CTNND2: variants seen among roughly 807,000 people sequenced by gnomAD.
The protein encoded by CTNND2 is catenin delta-2.
A neutral mutation model predicts 144.4 loss-of-function variants in CTNND2; 22 were observed. The observed-to-expected ratio is 0.15, with a 90% confidence interval of 0.11 to 0.22. CTNND2 has a LOEUF of 0.22. Among genes scored for constraint, CTNND2 ranks in the 10% least tolerant of loss-of-function variants. The pLI, the probability that CTNND2 is intolerant of heterozygous loss-of-function variation, is 1.00. For synonymous variants in CTNND2, 751 were observed against 695.6 expected, an observed-to-expected ratio of 1.08 and a Z score of -1.25; for missense variants, 1,353 against 1,618.8, an observed-to-expected ratio of 0.84 and a Z score of 2.82.
At chr5:11,360,240 CT>C (rs1756309778) in intron 8 of CTNND2, among the ~76,000 whole-genome samples, 1 of 152,102 alleles carries the variant, frequency 6.6e-6, no homozygotes, top group African/African-American at 2.4e-5. Flanking sequence ...TAGGTGGAGT[CT>C]AAGGGGAAAA....
Position 11,017,484 on chromosome 5 carries a change from T to C in CTNND2, c.3084+490A>G, listed in dbSNP as rs560297485. 2.0e-5 allele frequency among the ~76,000 whole-genome samples: 3 copies of C among 151,794 alleles called. No individual in the cohort carries two copies. The East Asian group carries it at 5.8e-4, about 29-fold the overall frequency. On this transcript the variant is annotated intron_variant, in intron 18 of 21. Transcript: ENST00000304623. The stretch of plus-strand genomic sequence containing the variant: ...CCAGACAGTTGAGTCTCCTATTCAG[T>C]GTTCCTAGTTTGCAGTGGTTCTTGA...
chr5:11,310,207 C>T (rs1011509673), intron 9 of CTNND2, among the ~76,000 whole-genome samples: 2 of 152,062 alleles, frequency 1.3e-5, no homozygotes, highest in Admixed American at 6.5e-5. Flanking sequence ...TAAATAAAAA[C>T]AGCCTCTCAC....
At chr5:10,978,355 TTTA>T (rs753493151) in intron 21 of CTNND2, among the ~76,000 whole-genome samples, 3 of 152,198 alleles carry the variant, frequency 2.0e-5, no homozygotes, top group Non-Finnish European at 4.4e-5. Context: ...ATGGTTGCAC[TTTA>T]TTGAGTCCCC....
intron 3 of CTNND2, among the ~76,000 whole-genome samples, chr5:11,417,407 G>A (rs1188000104): frequency 6.6e-6 from 1 of 152,002 alleles, no homozygotes; most frequent in Non-Finnish European, 1.5e-5. Flanking sequence ...ATATTTGCAA[G>A]GCATATAACT....
At chr5:11,365,945 G>A (rs1756942732) in intron 7 of CTNND2, among the ~76,000 whole-genome samples, 1 of 152,010 alleles carries the variant, frequency 6.6e-6, no homozygotes, top group Non-Finnish European at 1.5e-5. Context: ...CTGATTTTGG[G>A]AATGAGCCTT....
At chr5:11,576,402 A>C (rs1777973699) in intron 2 of CTNND2, among the ~76,000 whole-genome samples, 1 of 150,014 alleles carries the variant, frequency 6.7e-6, no homozygotes. Flanking sequence ...ATTAAGATTA[A>C]ATAATTATAT....
intron 9 of CTNND2, among the ~76,000 whole-genome samples, chr5:11,264,839 G>T (rs1320313340): frequency 6.6e-6 from 1 of 152,174 alleles, no homozygotes; most frequent in Non-Finnish European, 1.5e-5. Context: ...GCTGAAATGG[G>T]AGGATCACTT....
chr5:11,545,943 TTAAC>T (rs1424207920), intron 3 of CTNND2, among the ~76,000 whole-genome samples: 1 of 152,164 alleles, frequency 6.6e-6, no homozygotes, highest in Non-Finnish European at 1.5e-5. Context: ...ACCTATATCA[TTAAC>T]TATGATTTAT....
chr5:11,513,101 C>T (rs1218397869), intron 3 of CTNND2, among the ~76,000 whole-genome samples: 1 of 152,106 alleles, frequency 6.6e-6, no homozygotes, highest in Non-Finnish European at 1.5e-5. Flanking sequence ...CATCAGAGCC[C>T]CACTGCCAGG....
At chr5:11,018,121 T>C in intron 17 of CTNND2, 63 bp from the exon 18 acceptor site, 1 of 1,121,568 alleles carries the variant, frequency 8.9e-7, no homozygotes, top group Non-Finnish European at 1.4e-6. Flanking sequence ...ATTTCTGTAA[T>C]TCTTGTAGTA....
rs555733361 is a variant in CTNND2 at position 11,740,274 on chromosome 5, A to G, written c.38-8002T>C. On this transcript the variant is annotated intron_variant, in intron 1 of 21. Coordinates refer to ENST00000304623, the MANE Select transcript of CTNND2 (RefSeq NM_001332.4). The stretch of plus-strand genomic sequence containing the variant: ...AGAACAAAGCTGGAGGCATCACACT[A>G]CCTGACTTCAAACTATATTACAAGG... Among the ~76,000 whole-genome samples, 19 of 152,322 alleles carry G rather than the reference A, an allele frequency of 1.2e-4. 1 individual carries two copies. The South Asian group carries it at 3.9e-3, about 32-fold the overall frequency.
rs1054194070 is a variant in CTNND2 at position 10,981,655 on chromosome 5, C to T, written c.3417+118G>A. The T allele has an allele frequency of 4.3e-5, 40 of 927,920 alleles. 2 individuals carry two copies. In the Admixed American group the frequency reaches 5.3e-4, roughly 12 times the overall value. 57.5% of individuals were successfully genotyped at this position (927,920 alleles called of 1,614,324 possible). On this transcript the variant is annotated intron_variant, in intron 21 of 21. Transcript: ENST00000304623. ...GGCGTGAGGAGAGGGCCTCAGGGGA[C>T]GTTGCCTTCTTTTTCAGTTCTTTAT...
At chr5:11,150,924 C>T (rs758721591) in intron 12 of CTNND2, among the ~76,000 whole-genome samples, 7 of 152,024 alleles carry the variant, frequency 4.6e-5, no homozygotes, top group Admixed American at 2.0e-4. Context: ...CCGCGTCCAG[C>T]CTGAACTGCT....
chr5:11,385,989 G>A (rs1759049180), intron 6 of CTNND2: 1 of 152,156 alleles, frequency 6.6e-6, no homozygotes, highest in Non-Finnish European at 1.5e-5. Context: ...CTCCCTTTAA[G>A]AGCCCCCTGC....
intron 2 of CTNND2, among the ~76,000 whole-genome samples, chr5:11,716,545 T>A (rs1267016916): frequency 6.6e-6 from 1 of 152,220 alleles, no homozygotes; most frequent in Non-Finnish European, 1.5e-5. Flanking sequence ...ATATTAAATT[T>A]CATTTACTTA....
chr5:11,368,781 TG>T (rs1390047813), intron 7 of CTNND2, among the ~76,000 whole-genome samples: 1 of 152,202 alleles, frequency 6.6e-6, no homozygotes, highest in Non-Finnish European at 1.5e-5. Context: ...TCTAACCAGT[TG>T]GATAAACCCA....
chr5:11,484,471 C>T (rs1768607161), intron 3 of CTNND2, among the ~76,000 whole-genome samples: 1 of 152,032 alleles, frequency 6.6e-6, no homozygotes, highest in Non-Finnish European at 1.5e-5. Flanking sequence ...TCCAAATATC[C>T]CTTTAGAGAC....
intron 1 of CTNND2, among the ~76,000 whole-genome samples, chr5:11,801,000 A>T (rs1394534182): frequency 1.3e-5 from 2 of 152,194 alleles, no homozygotes; most frequent in Non-Finnish European, 2.9e-5. Flanking sequence ...TGTTCTTTGC[A>T]TCTATCAAGG....
chr5:11,700,615 T>C (rs912151195), intron 2 of CTNND2, among the ~76,000 whole-genome samples: 4 of 152,160 alleles, frequency 2.6e-5, no homozygotes, highest in African/African-American at 7.2e-5. Context: ...GCATTCTCTG[T>C]CATCCTCTTG....
Sources: gnomAD v4.1 joint callset for allele counts (sites outside exome capture counted in the v4.1 genomes callset) on GRCh38, gnomAD v4.1.1 for gene constraint, MANE v1.5 for transcripts, NCBI Gene and HGNC (gene_info 2026-07-23, HGNC 2026-07-21) for gene names.